Variants in EXT2 observed in about 807,000 individuals in gnomAD.
EXT2 encodes exostosin-2.
In EXT2, 53 loss-of-function variants were observed where a neutral mutation model predicts 81.6. That is an observed-to-expected ratio of 0.65 (90% CI 0.52 to 0.82). The LOEUF is 0.82. Among genes scored for constraint, EXT2 ranks in the 40% least tolerant of loss-of-function variants. EXT2 has a pLI of 0.00. For missense variants in EXT2, 774 were observed against 910.2 expected (o/e 0.85, Z 1.93); for synonymous variants, 320 against 340.0 (o/e 0.94, Z 0.65).
At chr11:44,195,581 C>A (rs1475777412) in intron 8 of EXT2, among the ~76,000 whole-genome samples, 1 of 152,204 alleles carries the variant, frequency 6.6e-6, no homozygotes, top group Non-Finnish European at 1.5e-5. Context: ...GAGTTTCCAT[C>A]CCATATGTAT....
chr11:44,205,185 G>T (rs1285183826), intron 9 of EXT2, among the ~76,000 whole-genome samples: 2 of 152,304 alleles, frequency 1.3e-5, no homozygotes, highest in Admixed American at 1.3e-4. Context: ...TGCCTCATAA[G>T]GTTGTCAGGA....
At chr11:44,157,312 A>G (rs1473840981) in intron 7 of EXT2, among the ~76,000 whole-genome samples, 2 of 152,170 alleles carry the variant, frequency 1.3e-5, no homozygotes, top group African/African-American at 2.4e-5. Context: ...TGTCCTCTGC[A>G]GGACAGCAGG....
At chr11:44,100,000 G>A (rs1953959366) in intron 1 of EXT2, among the ~76,000 whole-genome samples, 1 of 152,158 alleles carries the variant, frequency 6.6e-6, no homozygotes, top group South Asian at 2.1e-4. Context: ...GTGTCTGAGG[G>A]CATCCCTCAG....
intron 13 of EXT2, among the ~76,000 whole-genome samples, chr11:44,238,513 A>AT (rs1334441148): frequency 6.6e-6 from 1 of 152,180 alleles, no homozygotes; most frequent in Non-Finnish European, 1.5e-5. Context: ...GGAGATGCTG[A>AT]TGGAGGGATT....
chr11:44,238,445 G>A (rs1475199455), intron 13 of EXT2, among the ~76,000 whole-genome samples: 1 of 152,156 alleles, frequency 6.6e-6, no homozygotes, highest in Admixed American at 6.5e-5. Context: ...GGCTCCCAAA[G>A]TGCTGGGATT....
At chr11:44,138,683 C>T (rs1954604740) in intron 7 of EXT2, among the ~76,000 whole-genome samples, 1 of 152,068 alleles carries the variant, frequency 6.6e-6, no homozygotes, top group Admixed American at 6.5e-5. Flanking sequence ...CTGTGGGTCC[C>T]AGTCCAGAAA....
chr11:44,140,138 G>A (rs180924336), intron 7 of EXT2, among the ~76,000 whole-genome samples: 29 of 152,302 alleles, frequency 1.9e-4, no homozygotes, highest in Admixed American at 1.2e-3. Context: ...GTGCTTTCAC[G>A]CTTCAGCAAG....
intron 8 of EXT2, among the ~76,000 whole-genome samples, chr11:44,191,344 T>A (rs983051814): frequency 6.6e-6 from 1 of 152,248 alleles, no homozygotes; most frequent in Non-Finnish European, 1.5e-5. Flanking sequence ...ATTCTTTTGG[T>A]ATCTCCTCCT....
At chr11:44,242,220 A>G (rs78207032) in intron 13 of EXT2, among the ~76,000 whole-genome samples, 2 of 152,340 alleles carry the variant, frequency 1.3e-5, no homozygotes, top group East Asian at 3.9e-4. Context: ...ACTAGAAATG[A>G]GAAGAATCTG....
intron 9 of EXT2, among the ~76,000 whole-genome samples, chr11:44,205,535 A>C (rs1031243565): frequency 1.1e-4 from 16 of 152,208 alleles, no homozygotes; most frequent in African/African-American, 3.6e-4. Flanking sequence ...TCTGTGCCAC[A>C]GGTTTATTTT....
chr11:44,113,404 G>A (rs745639248), intron 3 of EXT2, among the ~76,000 whole-genome samples: 2 of 152,150 alleles, frequency 1.3e-5, no homozygotes, highest in African/African-American at 2.4e-5. Flanking sequence ...GTAAAAGTTG[G>A]TGTGATATAC....
rs546709892 is a variant in EXT2 at position 44,198,887 on chromosome 11, G to A, written c.1495+869G>A. On this transcript the variant is annotated intron_variant, in intron 9 of 13. Coordinates refer to ENST00000533608, the MANE Select transcript of EXT2 (RefSeq NM_207122.2). ...GGAAAGTCAACCTTGAAAATTGCCA[G>A]TAGTAGATCTATAGTCTAGGCTGGA... Among the ~76,000 whole-genome samples, 9 of 152,302 alleles carry A rather than the reference G, an allele frequency of 5.9e-5. No homozygotes were observed. In the South Asian group the frequency reaches 1.2e-3, roughly 21 times the overall value.
rs970080726 is a variant in EXT2, at chr11:44,096,072, T to C, written c.-31+220T>C. 3.4e-5 allele frequency: 23 copies of C among 676,694 alleles called. 1 individual carries two copies. The highest frequency in any genetic ancestry group is 2.9e-4 in the Admixed American group (14 of 48,608). The allele number at this position is 676,694 out of a possible 1,614,324, so 41.9% of individuals were successfully genotyped here. A position where few individuals can be genotyped will look rare whatever the true frequency, so the allele number is the denominator to read the frequency against. On this transcript the variant is annotated intron_variant, in intron 1 of 13. Transcript: ENST00000533608. ...TCCGATTTCCACTCCTGCTTCTCCTTCTCCTCCGGCGGCGGCCGCGCTTTC... is the reference window on the plus strand; with the variant it reads ...TCCGATTTCCACTCCTGCTTCTCCTCCTCCTCCGGCGGCGGCCGCGCTTTC...
At chr11:44,139,557 T>C (rs959427153) in intron 7 of EXT2, among the ~76,000 whole-genome samples, 1 of 152,196 alleles carries the variant, frequency 6.6e-6, no homozygotes, top group South Asian at 2.1e-4. Context: ...CCTCTGCCTC[T>C]TCACTTTTCC....
At chr11:44,222,078 A>G (rs1228479023) in intron 10 of EXT2, among the ~76,000 whole-genome samples, 1 of 152,214 alleles carries the variant, frequency 6.6e-6, no homozygotes, top group Non-Finnish European at 1.5e-5. Flanking sequence ...TAGGGTTCAC[A>G]TTAATCATGA....
At chr11:44,106,235 A>G (rs189562079) in intron 1 of EXT2, among the ~76,000 whole-genome samples, 52 of 152,344 alleles carry the variant, frequency 3.4e-4, no homozygotes, top group Non-Finnish European at 5.6e-4. Context: ...CAGGGATGGA[A>G]AGAACTGTTG....
At chr11:44,224,350 A>G (rs1321368910) in intron 10 of EXT2, among the ~76,000 whole-genome samples, 1 of 152,064 alleles carries the variant, frequency 6.6e-6, no homozygotes. Context: ...AGATCTATCT[A>G]TCTATATCTA....
At chr11:44,155,448 T>G (rs1954844124) in intron 7 of EXT2, among the ~76,000 whole-genome samples, 3 of 152,140 alleles carry the variant, frequency 2.0e-5, no homozygotes, top group Non-Finnish European at 2.9e-5. Context: ...TCTGGTAGTA[T>G]GATTTAATTT....
chr11:44,244,414 AC>A lies in EXT2; in HGVS notation c.*130del. ...TTGACCTACTTGGATCTTGGCATGCACCCACCTAACCCACTTTCTCAAGAAC... is the reference window on the plus strand; with the variant it reads ...TTGACCTACTTGGATCTTGGCATGCACCACCTAACCCACTTTCTCAAGAAC... On this transcript the variant is annotated 3_prime_UTR_variant, in exon 14 of 14. Transcript: ENST00000533608. The A allele has an allele frequency of 1.1e-6, 1 of 882,930 alleles. No individual in the cohort carries two copies. Among genetic ancestry groups the A allele is most frequent in the South Asian group, 1.5e-5 (1 of 68,842 alleles). 54.7% of individuals were successfully genotyped at this position (882,930 alleles called of 1,614,324 possible). A position where few individuals can be genotyped will look rare whatever the true frequency, so the allele number is the denominator to read the frequency against.
Sources: allele counts gnomAD v4.1 joint callset (sites outside exome capture counted in the v4.1 genomes callset), GRCh38; gene constraint gnomAD v4.1.1; transcripts MANE v1.5; gene names NCBI Gene and HGNC (gene_info 2026-07-23, HGNC 2026-07-21).